SDC2: variants seen among roughly 807,000 people sequenced by gnomAD.
The protein encoded by SDC2 is syndecan-2.
In SDC2, 13 loss-of-function variants were observed where a neutral mutation model predicts 22.2. The observed-to-expected ratio is 0.59, with a 90% confidence interval of 0.38 to 0.93. The LOEUF (loss-of-function observed/expected upper bound fraction) is 0.93, where lower values mean the gene tolerates loss of function less well. Among genes scored for constraint, SDC2 ranks in the 40% least tolerant of loss-of-function variants. SDC2 has a pLI of 0.00. For synonymous variants in SDC2, 94 were observed against 92.8 expected (o/e 1.01, Z -0.07); for missense variants, 235 against 246.8 (o/e 0.95, Z 0.32).
At chr8:96,544,566 C>T (rs1813902864) in intron 1 of SDC2, among the ~76,000 whole-genome samples, 1 of 152,124 alleles carries the variant, frequency 6.6e-6, no homozygotes, top group Admixed American at 6.5e-5. Context: ...TCTTCTGGCC[C>T]TTATCATACC....
chr8:96,596,832 T>C (rs984066992), intron 2 of SDC2, among the ~76,000 whole-genome samples: 1 of 152,228 alleles, frequency 6.6e-6, no homozygotes, highest in South Asian at 2.1e-4. Context: ...GATGAGCTAG[T>C]GGGGACAGAC....
At chr8:96,583,951 A>G (rs1291289062) in intron 1 of SDC2, among the ~76,000 whole-genome samples, 1 of 151,938 alleles carries the variant, frequency 6.6e-6, no homozygotes, top group Non-Finnish European at 1.5e-5. Flanking sequence ...ATGCAGTAGT[A>G]AACACCCTAA....
chr8:96,590,921 GCTGAGGGTAAGCCAGCTTCTCTAGA>G (rs1423564335), intron 1 of SDC2, among the ~76,000 whole-genome samples: 1 of 152,114 alleles, frequency 6.6e-6, no homozygotes, highest in Non-Finnish European at 1.5e-5. Context: ...TAACTGAGTG[GCTGAGGGTAAGCCAGCTTCTCTAGA>G]CACACCCTGA....
chr8:96,563,635 C>T (rs553039494), intron 1 of SDC2, among the ~76,000 whole-genome samples: 231 of 152,238 alleles, frequency 1.5e-3, no homozygotes, highest in African/African-American at 5.3e-3. Context: ...GAGATGCTGC[C>T]GGCCCCAGGG....
intron 1 of SDC2, chr8:96,580,551 C>A (rs1814573183): frequency 2.0e-6 from 2 of 983,140 alleles, no homozygotes; most frequent in Non-Finnish European, 1.2e-6. Context: ...ACTCTGTGGG[C>A]AGAGGTTCTG....
chr8:96,570,442 CAAAA>C (rs1330259232), intron 1 of SDC2, among the ~76,000 whole-genome samples: 1 of 152,030 alleles, frequency 6.6e-6, no homozygotes, highest in Admixed American at 6.5e-5. Flanking sequence ...AAACAAAAAA[CAAAA>C]AACCCAAAGA....
intron 1 of SDC2, among the ~76,000 whole-genome samples, chr8:96,589,386 T>C (rs1439648764): frequency 6.6e-6 from 1 of 150,714 alleles, no homozygotes; most frequent in East Asian, 2.0e-4. Context: ...AGGACTTTTG[T>C]TTTGTTTGTT....
intron 1 of SDC2, among the ~76,000 whole-genome samples, chr8:96,556,051 C>CACAT (rs750930089): frequency 1.3e-3 from 177 of 136,928 alleles, no homozygotes; most frequent in African/African-American, 5.5e-3. Flanking sequence ...CACACACACA[C>CACAT]ACACATACAC....
At chr8:96,586,864 A>C (rs1260374644) in intron 1 of SDC2, among the ~76,000 whole-genome samples, 1 of 152,234 alleles carries the variant, frequency 6.6e-6, no homozygotes, top group Non-Finnish European at 1.5e-5. Flanking sequence ...AGCTTTCTAT[A>C]TAATGAATTA....
chr8:96,525,138 C>T (rs1265233344), intron 1 of SDC2, among the ~76,000 whole-genome samples: 1 of 152,222 alleles, frequency 6.6e-6, no homozygotes, highest in African/African-American at 2.4e-5. Flanking sequence ...GTGATTTCGG[C>T]CTGTGCCCAA....
intron 1 of SDC2, among the ~76,000 whole-genome samples, chr8:96,555,275 C>T (rs1182110752): frequency 6.6e-6 from 1 of 152,050 alleles, no homozygotes; most frequent in Non-Finnish European, 1.5e-5. Flanking sequence ...AATGCCGATT[C>T]TTTCATTATA....
chr8:96,534,048 C>T (rs368867110), intron 1 of SDC2, among the ~76,000 whole-genome samples: 2 of 152,328 alleles, frequency 1.3e-5, no homozygotes, highest in African/African-American at 4.8e-5. Flanking sequence ...TGCTGCTGGC[C>T]CGGGTGTTAA....
chr8:96,560,860 CT>C (rs1368990132), intron 1 of SDC2, among the ~76,000 whole-genome samples: 23 of 152,156 alleles, frequency 1.5e-4, no homozygotes, highest in Non-Finnish European at 2.8e-4. Context: ...AATCCCAACA[CT>C]TTGGGAGGCT....
chr8:96,525,151 G>A (rs1317052354), intron 1 of SDC2, among the ~76,000 whole-genome samples: 1 of 152,184 alleles, frequency 6.6e-6, no homozygotes, highest in Non-Finnish European at 1.5e-5. Context: ...GTGCCCAAGT[G>A]TTCTTGAAAT....
chr8:96,574,166 A>C (rs1240449937), intron 1 of SDC2, among the ~76,000 whole-genome samples: 2 of 151,938 alleles, frequency 1.3e-5, no homozygotes, highest in African/African-American at 4.8e-5. Flanking sequence ...AAGTGGATAC[A>C]GTAGCCAGCA....
At chr8:96,606,105 A>G (rs964937045) in intron 3 of SDC2, among the ~76,000 whole-genome samples, 10 of 152,184 alleles carry the variant, frequency 6.6e-5, no homozygotes, top group African/African-American at 2.2e-4. Flanking sequence ...GAAGAGTAGT[A>G]GAGCTGAGAA....
intron 1 of SDC2, among the ~76,000 whole-genome samples, chr8:96,588,851 G>A (rs1020176800): frequency 6.6e-6 from 1 of 152,214 alleles, no homozygotes; most frequent in Non-Finnish European, 1.5e-5. Flanking sequence ...AAGGCGTTGT[G>A]TTTTTTAAAC....
At chr8:96,532,486 A>G (rs545134558) in intron 1 of SDC2, among the ~76,000 whole-genome samples, 4 of 137,758 alleles carry the variant, frequency 2.9e-5, no homozygotes, top group Non-Finnish European at 6.1e-5. Context: ...CTCCAGGGAC[A>G]TGGGTAAAAT....
At chr8:96,535,197 T>C (rs1211421788) in intron 1 of SDC2, among the ~76,000 whole-genome samples, 3 of 152,148 alleles carry the variant, frequency 2.0e-5, no homozygotes, top group Admixed American at 2.0e-4. Context: ...TTAGTAGAGA[T>C]GGGGTTTCAC....
Sources: allele counts gnomAD v4.1 joint callset (sites outside exome capture counted in the v4.1 genomes callset), GRCh38; gene constraint gnomAD v4.1.1; transcripts MANE v1.5; gene names NCBI Gene and HGNC (gene_info 2026-07-23, HGNC 2026-07-21).